SCN8A: variants seen among roughly 807,000 people sequenced by gnomAD.
The protein encoded by SCN8A is sodium voltage-gated channel alpha subunit 8.
Under a neutral mutation model 184.1 loss-of-function variants are expected in SCN8A, and 30 were observed. That is an observed-to-expected ratio of 0.16 (90% CI 0.12 to 0.22). The LOEUF (loss-of-function observed/expected upper bound fraction) is 0.22, where lower values mean the gene tolerates loss of function less well. Ranked by LOEUF, SCN8A falls within the 10% of genes least tolerant of loss-of-function variation. The pLI is 1.00. For missense variants in SCN8A, 1,057 were observed against 2,498.9 expected (o/e 0.42, Z 12.30); for synonymous variants, 852 against 907.0 (o/e 0.94, Z 1.09).
intron 1 of SCN8A, among the ~76,000 whole-genome samples, chr12:51,627,246 A>G (rs1940099207): frequency 1.3e-5 from 2 of 152,250 alleles, no homozygotes; most frequent in African/African-American, 4.8e-5. Context: ...AACAGGGTTC[A>G]TGATTACAAC....
Position 51,695,577 on chromosome 12 carries a change from T to C in SCN8A, c.707-3993T>C, listed in dbSNP as rs551160692. On this transcript the variant is annotated intron_variant, in intron 6 of 26. Transcript: ENST00000627620. ...TGCACTTGTGCTTCTGGGAAGCCAG[T>C]AGAAACCAGAATGCAGAGCCAGAAA... Among the ~76,000 whole-genome samples, 5 of 152,288 alleles carry C rather than the reference T, an allele frequency of 3.3e-5. No homozygotes were observed. In the South Asian group the frequency reaches 1.0e-3, roughly 32 times the overall value.
chr12:51,663,153 G>A lies in SCN8A; in HGVS notation c.276+60G>A. The stretch of plus-strand genomic sequence containing the variant: ...TGTTTCCTAACAGGCTTAGGGAGAT[G>A]GGGGAGAAAGAACTGTGTCTCTTTG... On this transcript the variant is annotated intron_variant, in intron 2 of 26. Coordinates refer to ENST00000627620, the MANE Select transcript of SCN8A (RefSeq NM_001330260.2). 8 of 1,565,678 alleles carry A rather than the reference G, an allele frequency of 5.1e-6. No homozygotes were observed. The South Asian group carries it at 9.4e-5, about 18-fold the overall frequency.
intron 10 of SCN8A, among the ~76,000 whole-genome samples, chr12:51,705,973 T>C (rs1212565253): frequency 6.6e-6 from 1 of 152,174 alleles, no homozygotes; most frequent in Non-Finnish European, 1.5e-5. Flanking sequence ...TCATAAAAAG[T>C]ATTATTTCTA....
At chr12:51,735,672 G>T (rs1416765014) in intron 12 of SCN8A, among the ~76,000 whole-genome samples, 4 of 152,140 alleles carry the variant, frequency 2.6e-5, no homozygotes, top group Non-Finnish European at 5.9e-5. Context: ...CAGGTGGGTG[G>T]CTGTGGTTGA....
chr12:51,761,190 C>T (rs1270937099), intron 14 of SCN8A, among the ~76,000 whole-genome samples: 1 of 152,152 alleles, frequency 6.6e-6, no homozygotes, highest in Non-Finnish European at 1.5e-5. Flanking sequence ...TGGGATTTGA[C>T]TTTCATCCTG....
chr12:51,691,684 T>G (rs1941511472), intron 6 of SCN8A, among the ~76,000 whole-genome samples: 1 of 152,110 alleles, frequency 6.6e-6, no homozygotes, highest in Non-Finnish European at 1.5e-5. Context: ...AAAATAACAT[T>G]AAGGGATAGT....
chr12:51,716,398 G>A (rs1941965142), intron 11 of SCN8A, among the ~76,000 whole-genome samples: 1 of 152,124 alleles, frequency 6.6e-6, no homozygotes, highest in Admixed American at 6.5e-5. Flanking sequence ...TTCTGAAAGG[G>A]GGTTTGGTGC....
At chr12:51,653,350 C>G (rs1359194777) in intron 1 of SCN8A, among the ~76,000 whole-genome samples, 1 of 152,164 alleles carries the variant, frequency 6.6e-6, no homozygotes, top group African/African-American at 2.4e-5. Context: ...CCACACAGCC[C>G]CTGATTACCC....
chr12:51,678,930 G>C (rs1447926666), intron 2 of SCN8A, among the ~76,000 whole-genome samples: 3 of 151,930 alleles, frequency 2.0e-5, no homozygotes, highest in African/African-American at 7.3e-5. Flanking sequence ...ACAAAAATTA[G>C]CTGGGCATGG....
intron 12 of SCN8A, among the ~76,000 whole-genome samples, chr12:51,737,243 G>A (rs978023745): frequency 6.6e-6 from 1 of 152,168 alleles, no homozygotes; most frequent in Admixed American, 6.5e-5. Flanking sequence ...AGGAGTTAGA[G>A]TCCGTGAATT....
At chr12:51,618,776 A>G (rs1030507261) in intron 1 of SCN8A, among the ~76,000 whole-genome samples, 1 of 152,110 alleles carries the variant, frequency 6.6e-6, no homozygotes, top group Non-Finnish European at 1.5e-5. Flanking sequence ...CAGGTTCTCA[A>G]CCTTGAGAGA....
At chr12:51,672,737 T>G (rs1400213836) in intron 2 of SCN8A, among the ~76,000 whole-genome samples, 1 of 152,234 alleles carries the variant, frequency 6.6e-6, no homozygotes, top group East Asian at 1.9e-4. Context: ...TTATCTACTT[T>G]CCTAGTTGAT....
At chr12:51,651,687 A>G (rs553472410) in intron 1 of SCN8A, among the ~76,000 whole-genome samples, 54 of 152,310 alleles carry the variant, frequency 3.5e-4, no homozygotes, top group African/African-American at 1.3e-3. Context: ...TGAGAGTACA[A>G]TTCAAGATGA....
At chr12:51,695,747 A>G (rs1002217840) in intron 6 of SCN8A, among the ~76,000 whole-genome samples, 2 of 152,148 alleles carry the variant, frequency 1.3e-5, no homozygotes, top group Non-Finnish European at 2.9e-5. Flanking sequence ...TTCCAAATTT[A>G]TTTATTACCA....
At chr12:51,606,857 G>A (rs1194113839) in intron 1 of SCN8A, among the ~76,000 whole-genome samples, 3 of 143,114 alleles carry the variant, frequency 2.1e-5, no homozygotes, top group Non-Finnish European at 3.1e-5. Flanking sequence ...ATTTTATTTT[G>A]TGGCTATTGT....
intron 21 of SCN8A, 34 bp from the exon 22 acceptor site, chr12:51,786,508 A>G (rs373552830): frequency 5.6e-6 from 9 of 1,613,102 alleles, no homozygotes; most frequent in Non-Finnish European, 7.6e-6. Context: ...TCTCATTTCC[A>G]CCCAACACTG....
chr12:51,806,580 G>T lies in SCN8A; in HGVS notation c.5094G>T (p.Leu1698=). ...CATTTGGCAACAGCATGATCTGCCT[G>T]TTTCAAATCACAACCTCAGCTGGTT... ...FETFGNSMIC[L]FQITTSAGWD... The change falls in exon 27 of 27, where the codon CTG becomes CTT. Residue 1698 remains leucine (L), a synonymous_variant. Transcript: ENST00000627620. The surrounding 1 kb of genome is among the most constrained non-coding windows in gnomAD (Gnocchi z 8.7). The T allele has an allele frequency of 6.2e-7, 1 of 1,614,204 alleles. No individual in the cohort carries two copies.
intron 2 of SCN8A, among the ~76,000 whole-genome samples, chr12:51,674,587 G>C (rs1363687673): frequency 1.3e-5 from 2 of 151,958 alleles, no homozygotes; most frequent in East Asian, 3.9e-4. Context: ...CACCCGCCTC[G>C]GCCTCCCAAA....
At position 51,645,519 on chromosome 12, in the gene SCN8A, G is replaced by T. The variant is rs921506247; in HGVS notation, c.-54-17245G>T. On this transcript the variant is annotated intron_variant, in intron 1 of 26. Transcript: ENST00000627620. ...GCGGTTTTGTAGAATAGAAAGGGGG[G>T]AAAGGTGGGGAAAAGATTGAGAAAT... Among the ~76,000 whole-genome samples, 827 of 152,218 alleles carry T rather than the reference G, an allele frequency of 5.4e-3. 8 individuals are homozygous for T. Among genetic ancestry groups the T allele is most frequent in the African/African-American group, 0.018 (767 of 41,546 alleles).
Sources: allele counts gnomAD v4.1 joint callset (sites outside exome capture counted in the v4.1 genomes callset), GRCh38; gene constraint gnomAD v4.1.1; non-coding constraint Gnocchi (gnomAD v3.1); transcripts MANE v1.5; gene names NCBI Gene and HGNC (gene_info 2026-07-23, HGNC 2026-07-21).